The following CDHR1 variants were observed in gnomAD, a reference collection of about 807,000 sequenced individuals.
CDHR1 encodes the protein cadherin-related family member 1.
In CDHR1, 61 loss-of-function variants were observed where a neutral mutation model predicts 72.1. That is an observed-to-expected ratio of 0.85 (90% CI 0.69 to 1.05). CDHR1 has a LOEUF of 1.05. Among genes scored for constraint, CDHR1 ranks in the 50% least tolerant of loss-of-function variants. The pLI is 0.00. For synonymous variants in CDHR1, 470 were observed against 448.1 expected (o/e 1.05, Z -0.62); for missense variants, 1,186 against 1,115.7 (o/e 1.06, Z -0.90).
intron 11 of CDHR1, 82 bp downstream of exon 11, chr10:84,208,459 C>G (rs1249757849): frequency 2.4e-5 from 34 of 1,440,820 alleles, no homozygotes; most frequent in Non-Finnish European, 3.0e-5. Flanking sequence ...CTGCATCAAC[C>G]TGCTCTGCGT....
In CDHR1 at chr10:84,212,237, G is replaced by A. The variant is rs778184655; in HGVS notation, c.1612G>A (p.Ala538Thr). The A allele has an allele frequency of 8.7e-6, 14 of 1,614,116 alleles. No homozygotes were observed. The South Asian group carries it at 9.9e-5, about 11-fold the overall frequency. ...CACCCAGCCCTGGGCTAGCCTGGAC[G>A]CTGAGGCCACTGCCAGGTACAACTT... ...IYTQPWASLD[A>T]EATARYNFYV... The change falls in exon 15 of 17, where the codon GCT (alanine) becomes ACT (threonine). Residue 538 changes from alanine (A) to threonine (T), a missense_variant. Ala to Thr is a moderately conservative substitution (Grantham distance 58, BLOSUM62 0). Transcript: ENST00000623527.
rs1249635720 is a variant in CDHR1 at position 84,200,594 on chromosome 10, C to T, written c.439-7C>T. On this transcript the variant is annotated splice_region_variant and splice_polypyrimidine_tract_variant and intron_variant, in intron 5 of 16. Transcript: ENST00000623527. ...CTGACCCTCCCCTGTGGCTGTGACC[C>T]CCTCAGGACATACCTGCTGGGAGCA... is the stretch of plus-strand genomic sequence containing the variant. The T allele has an allele frequency of 6.2e-7, 1 of 1,602,702 alleles. No individual in the cohort carries two copies. Among genetic ancestry groups the T allele is most frequent in the Non-Finnish European group, 8.5e-7 (1 of 1,172,864 alleles).
At position 84,214,442 on chromosome 10, in the gene CDHR1, G is replaced by T; in HGVS notation, c.2401G>T (p.Ala801Ser). The T allele has an allele frequency of 6.2e-7, 1 of 1,612,794 alleles. No homozygotes were observed. The highest frequency in any genetic ancestry group is 1.7e-5 in the Admixed American group (1 of 60,026). The change falls in exon 17 of 17, where the codon GCG (alanine) becomes TCG (serine). Residue 801 changes from alanine to serine, a missense_variant. Ala to Ser is a moderately conservative substitution (Grantham distance 99, BLOSUM62 1). Transcript: ENST00000623527. ...GGCTCTCCCTCCACCACCCAGCGTG[G>T]CGCCCAGCACTGGCGCAGCCCAGTG... ...APALPPPPSV[A>S]PSTGAAQWTV... is the part of the protein sequence containing the mutation.
At chr10:84,199,186 G>A in intron 5 of CDHR1, 65 bp downstream of exon 5, 1 of 1,358,240 alleles carries the variant, frequency 7.4e-7, no homozygotes, top group Non-Finnish European at 1.0e-6. Flanking sequence ...CCCTGGGGCT[G>A]CCCTGTGGCC....
In CDHR1 at chr10:84,211,771, G is replaced by A. The variant is rs868546468; in HGVS notation, c.1553+56G>A. ...TTGGGCAAGGGGATTGGAAGGCTGA[G>A]GGTGGAGGAGGTCTGTGGCAGAGGC... On this transcript the variant is annotated intron_variant, in intron 14 of 16. Transcript: ENST00000623527. 8 of 1,460,792 alleles carry A rather than the reference G, an allele frequency of 5.5e-6. No homozygotes were observed. The African/African-American group carries it at 5.6e-5, about 10-fold the overall frequency. 90.5% of individuals were successfully genotyped at this position (1,460,792 alleles called of 1,614,324 possible).
chr10:84,204,656 G>C (rs779501094), intron 9 of CDHR1, 51 bp downstream of exon 9: 16 of 1,281,438 alleles, frequency 1.2e-5, no homozygotes, highest in East Asian at 1.2e-4. Context: ...TAGGTGACCA[G>C]AGCAAGGTTC....
At chr10:84,210,832 A>T (rs141688352) in intron 12 of CDHR1, among the ~76,000 whole-genome samples, 169 bp from the exon 13 acceptor site, 1 of 152,322 alleles carries the variant, frequency 6.6e-6, no homozygotes, top group African/African-American at 2.4e-5. Context: ...GTAGGGGAAG[A>T]TGCCAGGCCT....
In CDHR1 at chr10:84,199,104, G is replaced by A; in HGVS notation, c.421G>A (p.Val141Ile). Residue 141 changes from valine (V) to isoleucine (I), a missense_variant, in exon 5 of 17, where the codon GTT (valine) becomes ATT (isoleucine). Coordinates refer to ENST00000623527, the MANE Select transcript of CDHR1 (RefSeq NM_033100.4). ...EAPRFIQEPYVALVPEDIPAG... is the reference protein window; with the variant it reads ...EAPRFIQEPYIALVPEDIPAG... ...GCCCAGGTTCATCCAGGAGCCTTAT[G>A]TTGCCCTGGTTCCCGAGGTAAGTGA... is the stretch of plus-strand genomic sequence containing the variant. 6.4e-7 allele frequency: 1 copy of A among 1,551,290 alleles called. No homozygotes were observed. The highest frequency in any genetic ancestry group is 1.8e-4 in the Middle Eastern group (1 of 5,662).
chr10:84,202,440 C>T (rs1015718797), intron 7 of CDHR1, among the ~76,000 whole-genome samples: 12 of 152,246 alleles, frequency 7.9e-5, no homozygotes, highest in African/African-American at 2.9e-4. Flanking sequence ...AGCAGCCCCT[C>T]TAGGCCCAGC....
At chr10:84,202,839 G>T (rs539738095) in intron 7 of CDHR1, 141 bp from the exon 8 acceptor site, 2 of 882,344 alleles carry the variant, frequency 2.3e-6, no homozygotes, top group East Asian at 5.2e-5. Flanking sequence ...TTATCTCCGG[G>T]TGACACAGAA....
intron 10 of CDHR1, among the ~76,000 whole-genome samples, chr10:84,206,926 T>A (rs776725977): frequency 6.6e-6 from 1 of 152,084 alleles, no homozygotes; most frequent in Non-Finnish European, 1.5e-5. Context: ...AAAGTATGCA[T>A]GAGGCAGATT....
intron 16 of CDHR1, 67 bp downstream of exon 16, chr10:84,213,415 G>T: frequency 6.2e-7 from 1 of 1,604,542 alleles, no homozygotes; most frequent in Non-Finnish European, 8.5e-7. Flanking sequence ...TGCAACGTGG[G>T]CAGAGCGAGA....
At chr10:84,200,538 C>A in intron 5 of CDHR1, 63 bp from the exon 6 acceptor site, 1 of 1,149,438 alleles carries the variant, frequency 8.7e-7, no homozygotes, top group Non-Finnish European at 1.3e-6. Context: ...GCCCCTATGC[C>A]TCTGTCCCCC....
chr10:84,200,785 C>G (rs1842110756), intron 6 of CDHR1, 98 bp downstream of exon 6: 4 of 808,096 alleles, frequency 4.9e-6, no homozygotes, highest in African/African-American at 3.4e-5. Context: ...GTCGGTGCCT[C>G]TATGATTCCC....
rs2132845819 is a variant in CDHR1, at chr10:84,218,201, C to A, written c.*3580C>A. Reference sequence around the variant, plus strand: ...AGACTGGCATGTGCCACATGGAGGACCCCTTAGGAAACTCACAAACAACCT... The same window carrying A: ...AGACTGGCATGTGCCACATGGAGGAACCCTTAGGAAACTCACAAACAACCT... On this transcript the variant is annotated 3_prime_UTR_variant, in exon 17 of 17. Transcript: ENST00000623527. 3.0e-6 allele frequency: 3 copies of A among 985,366 alleles called. No individual in the cohort carries two copies. The highest frequency in any genetic ancestry group is 1.0e-3 in the Middle Eastern group (2 of 1,914). The allele number at this position is 985,366 out of a possible 1,614,324, so 61.0% of individuals were successfully genotyped here.
intron 5 of CDHR1, among the ~76,000 whole-genome samples, chr10:84,200,297 T>G (rs1041270956): frequency 2.0e-5 from 3 of 152,260 alleles, no homozygotes; most frequent in Admixed American, 2.0e-4. Context: ...TCCTCCTTTT[T>G]GAATTGCTGT....
chr10:84,210,223 G>GC (rs1026172493), intron 12 of CDHR1, among the ~76,000 whole-genome samples: 1 of 150,698 alleles, frequency 6.6e-6, no homozygotes, highest in East Asian at 2.0e-4. Flanking sequence ...CGTTTTTTTT[G>GC]TTTTTTTTGT....
Position 84,203,136 on chromosome 10 carries a change from C to G in CDHR1, c.783+13C>G, listed in dbSNP as rs528942632. ...GGACACCCTTCCGGTGGGTGGCTGTCCCCCTCAGCCAGCGATCCCTCCAAA... is the reference window on the plus strand; with the variant it reads ...GGACACCCTTCCGGTGGGTGGCTGTGCCCCTCAGCCAGCGATCCCTCCAAA... On this transcript the variant is annotated intron_variant, in intron 8 of 16. Transcript: ENST00000623527. The G allele has an allele frequency of 1.2e-6, 2 of 1,614,080 alleles. No individual in the cohort carries two copies. The highest frequency in any genetic ancestry group is 1.7e-5 in the Admixed American group (1 of 60,030).
chr10:84,210,970 C>A lies in CDHR1; in HGVS notation c.1321-31C>A. On this transcript the variant is annotated intron_variant, in intron 12 of 16. Transcript: ENST00000623527. ...GCTCTCTGCAGCATGAGTGCCTACC[C>A]AGACAAGTCCCCATTTTCCCCCCTT... 1.9e-6 allele frequency: 3 copies of A among 1,613,770 alleles called. No individual in the cohort carries two copies. The South Asian group carries it at 3.3e-5, about 18-fold the overall frequency.
Sources: allele counts gnomAD v4.1 joint callset (sites outside exome capture counted in the v4.1 genomes callset), GRCh38; gene constraint gnomAD v4.1.1; transcripts MANE v1.5; gene names NCBI Gene and HGNC (gene_info 2026-07-23, HGNC 2026-07-21).